Variants in PLPPR1 observed in about 807,000 individuals in gnomAD.
PLPPR1 encodes phospholipid phosphatase-related protein type 1.
In PLPPR1, 10 loss-of-function variants were observed where a neutral mutation model predicts 33.1. The ratio of observed to expected loss-of-function variants is 0.30; its 90% CI spans 0.19 to 0.51. The LOEUF is 0.51. Ranked by LOEUF, PLPPR1 falls within the 20% of genes least tolerant of loss-of-function variation. The pLI, the probability that PLPPR1 is intolerant of heterozygous loss-of-function variation, is 0.97. For synonymous variants in PLPPR1, 151 were observed against 151.0 expected (o/e 1.00, Z 0.00); for missense variants, 304 against 408.1 (o/e 0.74, Z 2.20).
chr9:101,107,231 T>G, intron 1 of PLPPR1, among the ~76,000 whole-genome samples: 1 of 96,250 alleles, frequency 1.0e-5, no homozygotes, highest in Non-Finnish European at 1.9e-5. Flanking sequence ...CGCTCTGCAT[T>G]TTAGAGTTTC....
At chr9:101,293,770 A>C (rs895776556) in intron 4 of PLPPR1, among the ~76,000 whole-genome samples, 6 of 152,326 alleles carry the variant, frequency 3.9e-5, no homozygotes, top group African/African-American at 7.2e-5. Flanking sequence ...ACAAAGACAC[A>C]ACATACCAGA....
chr9:101,248,968 A>C (rs1376551117), intron 2 of PLPPR1, among the ~76,000 whole-genome samples: 1 of 152,082 alleles, frequency 6.6e-6, no homozygotes, highest in Non-Finnish European at 1.5e-5. Flanking sequence ...TACATCTGGG[A>C]ACAACTTAAT....
chr9:101,298,740 T>C (rs1828693369), intron 4 of PLPPR1, among the ~76,000 whole-genome samples: 1 of 151,884 alleles, frequency 6.6e-6, no homozygotes, highest in Admixed American at 6.6e-5. Context: ...AATAGAAATG[T>C]GCCCTCATTC....
intron 2 of PLPPR1, among the ~76,000 whole-genome samples, chr9:101,242,338 A>G (rs1257564800): frequency 1.3e-5 from 2 of 151,892 alleles, no homozygotes; most frequent in African/African-American, 4.8e-5. Context: ...GGAGAGGAGA[A>G]TTAGATTCAA....
intron 4 of PLPPR1, among the ~76,000 whole-genome samples, chr9:101,298,071 G>T (rs1828681672): frequency 6.6e-6 from 1 of 152,014 alleles, no homozygotes; most frequent in African/African-American, 2.4e-5. Context: ...ATTTGATGAG[G>T]GTTTTTGGTT....
At chr9:101,293,056 C>A (rs1418927329) in intron 4 of PLPPR1, among the ~76,000 whole-genome samples, 1 of 151,800 alleles carries the variant, frequency 6.6e-6, no homozygotes, top group South Asian at 2.1e-4. Flanking sequence ...TTCAGGAAAC[C>A]CATCTCATGT....
chr9:101,257,375 T>C (rs1827821032), intron 2 of PLPPR1, among the ~76,000 whole-genome samples: 1 of 152,190 alleles, frequency 6.6e-6, no homozygotes. Flanking sequence ...TATCACAAAC[T>C]ATAGACTCTC....
rs1300701448 is a variant in PLPPR1, at chr9:101,125,064, T to G, written c.-45-60386T>G. Among the ~76,000 whole-genome samples the G allele has an allele frequency of 4.6e-5, 7 of 152,262 alleles. No homozygotes were observed. The East Asian group carries it at 5.8e-4, about 13-fold the overall frequency. On this transcript the variant is annotated intron_variant, in intron 1 of 7. Transcript: ENST00000374874. ...TTCCATAATTCAGAATGTTCTTGTCTGTCCCTGCAAATCTCTGCTAGTCTT... is the reference window on the plus strand; with the variant it reads ...TTCCATAATTCAGAATGTTCTTGTCGGTCCCTGCAAATCTCTGCTAGTCTT...
chr9:101,063,322 A>G (rs1203935577), intron 1 of PLPPR1, among the ~76,000 whole-genome samples: 1 of 152,022 alleles, frequency 6.6e-6, no homozygotes, highest in Non-Finnish European at 1.5e-5. Context: ...GTGATATGGC[A>G]TCCTCACATG....
At chr9:101,298,460 A>G (rs1828688380) in intron 4 of PLPPR1, among the ~76,000 whole-genome samples, 1 of 152,156 alleles carries the variant, frequency 6.6e-6, no homozygotes, top group African/African-American at 2.4e-5. Flanking sequence ...ATGGCGTTTT[A>G]TGGTTTTAAG....
chr9:101,220,029 G>T (rs903738236), intron 2 of PLPPR1, among the ~76,000 whole-genome samples: 6 of 152,174 alleles, frequency 3.9e-5, no homozygotes, highest in Non-Finnish European at 5.9e-5. Context: ...CAGTAGATGT[G>T]TTCTCTAGAT....
chr9:101,157,818 T>C (rs73499831), intron 1 of PLPPR1, among the ~76,000 whole-genome samples: 4,036 of 151,962 alleles, frequency 0.027, 172 homozygotes, highest in African/African-American at 0.087. Flanking sequence ...TTGGCCAACA[T>C]GGTAAAACAC....
At chr9:101,077,057 G>C (rs1365805984) in intron 1 of PLPPR1, among the ~76,000 whole-genome samples, 1 of 152,192 alleles carries the variant, frequency 6.6e-6, no homozygotes, top group African/African-American at 2.4e-5. Flanking sequence ...TTGTGGCACT[G>C]TGGTAGCATC....
At chr9:101,220,756 T>C (rs1426365435) in intron 2 of PLPPR1, among the ~76,000 whole-genome samples, 1 of 152,252 alleles carries the variant, frequency 6.6e-6, no homozygotes, top group African/African-American at 2.4e-5. Context: ...AATATTTCAC[T>C]GGTTCTCATT....
intron 1 of PLPPR1, among the ~76,000 whole-genome samples, chr9:101,073,305 G>T (rs1830502069): frequency 6.6e-6 from 1 of 152,128 alleles, no homozygotes; most frequent in Non-Finnish European, 1.5e-5. Flanking sequence ...TGCACAGCAT[G>T]TGTTTTGTTT....
chr9:101,051,693 C>A (rs529399022), intron 1 of PLPPR1, among the ~76,000 whole-genome samples: 18 of 152,298 alleles, frequency 1.2e-4, no homozygotes, highest in African/African-American at 4.3e-4. Context: ...ACTGTTCTTG[C>A]TTTGCAGCTA....
Position 101,220,093 on chromosome 9 carries a change from G to T in PLPPR1, c.63+34536G>T, listed in dbSNP as rs77344764. On this transcript the variant is annotated intron_variant, in intron 2 of 7. Coordinates refer to ENST00000374874, the MANE Select transcript of PLPPR1 (RefSeq NM_207299.2). ...GGGGCTGGATAATTCCTTGTTATGG[G>T]AGGTTGCATTGTGCATCATAGGATG... Among the ~76,000 whole-genome samples, 558 of 152,246 alleles carry T rather than the reference G, an allele frequency of 3.7e-3. 8 individuals are homozygous for T. The highest frequency in any genetic ancestry group is 0.034 in the East Asian group (176 of 5,174).
In PLPPR1 at chr9:101,270,306, A is replaced by T. The variant is rs1020747062; in HGVS notation, c.252+238A>T. ...GAATTTTAAAAAGATGTTTTTTTTT[A>T]AAAAGCATGTGAGAATGTTATAAAT... On this transcript the variant is annotated intron_variant, in intron 3 of 7. Coordinates refer to ENST00000374874, the MANE Select transcript of PLPPR1 (RefSeq NM_207299.2). Among the ~76,000 whole-genome samples the T allele has an allele frequency of 1.3e-4, 19 of 147,324 alleles. No individual in the cohort carries two copies. In the South Asian group the frequency reaches 3.1e-3, roughly 24 times the overall value.
intron 2 of PLPPR1, among the ~76,000 whole-genome samples, chr9:101,248,560 A>G (rs530603670): frequency 3.4e-4 from 52 of 152,176 alleles, no homozygotes; most frequent in African/African-American, 1.2e-3. Flanking sequence ...AAAAGTGAGA[A>G]AAGGAGGCTT....
Sources: gnomAD v4.1 joint callset for allele counts (sites outside exome capture counted in the v4.1 genomes callset) on GRCh38, gnomAD v4.1.1 for gene constraint, MANE v1.5 for transcripts, NCBI Gene and HGNC (gene_info 2026-07-23, HGNC 2026-07-21) for gene names.